The following SLC10A7 variants were observed in gnomAD, a reference collection of about 807,000 sequenced individuals.
SLC10A7 encodes the protein sodium/bile acid cotransporter 7.
A neutral mutation model predicts 43.2 loss-of-function variants in SLC10A7; 29 were observed. That is an observed-to-expected ratio of 0.67 (90% CI 0.50 to 0.92). The LOEUF is 0.92. Among genes scored for constraint, SLC10A7 ranks in the 40% least tolerant of loss-of-function variants. The pLI, the probability that SLC10A7 is intolerant of heterozygous loss-of-function variation, is 0.00. For synonymous variants in SLC10A7, 152 were observed against 144.8 expected (o/e 1.05, Z -0.35); for missense variants, 295 against 403.2 (o/e 0.73, Z 2.30).
intron 9 of SLC10A7, 123 bp downstream of exon 9, chr4:146,292,806 G>T: frequency 1.6e-6 from 1 of 633,450 alleles, no homozygotes; most frequent in Non-Finnish European, 2.7e-6. Flanking sequence ...TGGTCAGGGA[G>T]ACAGGAGAAA....
At chr4:146,316,357 T>C (rs1276104709) in intron 6 of SLC10A7, among the ~76,000 whole-genome samples, 1 of 150,112 alleles carries the variant, frequency 6.7e-6, no homozygotes, top group African/African-American at 2.5e-5. Context: ...GGTGCTGGTA[T>C]TGGGAGACAG....
chr4:146,382,737 C>T (rs1223150346), intron 5 of SLC10A7, among the ~76,000 whole-genome samples: 1 of 152,092 alleles, frequency 6.6e-6, no homozygotes. Flanking sequence ...ATTAAAAGTA[C>T]TCCAAATGTG....
chr4:146,395,413 C>T (rs939513633), intron 5 of SLC10A7, among the ~76,000 whole-genome samples: 9 of 152,032 alleles, frequency 5.9e-5, no homozygotes, highest in African/African-American at 1.9e-4. Context: ...AAATAAAACC[C>T]CCACACAGTT....
rs182172131 is a variant in SLC10A7 at position 146,472,851 on chromosome 4, A to T, written c.397-30030T>A. ...TTTCTGCATCGTTTCCAGAGGATTGACTTATTGCCTTTTAACTTTTTAAAG... is the reference window on the plus strand; with the variant it reads ...TTTCTGCATCGTTTCCAGAGGATTGTCTTATTGCCTTTTAACTTTTTAAAG... On this transcript the variant is annotated intron_variant, in intron 4 of 11. Coordinates refer to ENST00000335472, the MANE Select transcript of SLC10A7 (RefSeq NM_001029998.6). Among the ~76,000 whole-genome samples the T allele has an allele frequency of 2.0e-5, 3 of 152,314 alleles. No individual in the cohort carries two copies. In the East Asian group the frequency reaches 5.8e-4, roughly 29 times the overall value.
intron 4 of SLC10A7, among the ~76,000 whole-genome samples, chr4:146,476,042 T>C (rs1356040579): frequency 1.3e-5 from 2 of 152,150 alleles, no homozygotes; most frequent in Admixed American, 1.3e-4. Flanking sequence ...ATCAGAACGC[T>C]TCCTGAAAAG....
At chr4:146,401,220 A>G (rs1739202884) in intron 5 of SLC10A7, among the ~76,000 whole-genome samples, 1 of 152,104 alleles carries the variant, frequency 6.6e-6, no homozygotes, top group African/African-American at 2.4e-5. Flanking sequence ...CTCTATTCTA[A>G]TCTCCTGATT....
intron 5 of SLC10A7, among the ~76,000 whole-genome samples, chr4:146,430,830 A>T (rs1462883659): frequency 6.6e-6 from 1 of 152,156 alleles, no homozygotes. Context: ...CTAATTTCCA[A>T]AATACCAAGT....
intron 10 of SLC10A7, among the ~76,000 whole-genome samples, chr4:146,278,454 T>C (rs1053206220): frequency 6.6e-6 from 1 of 152,152 alleles, no homozygotes; most frequent in South Asian, 2.1e-4. Flanking sequence ...GCCGAAGTTG[T>C]AGGTAATTCT....
intron 5 of SLC10A7, among the ~76,000 whole-genome samples, chr4:146,332,675 T>G (rs1347379468): frequency 6.6e-6 from 1 of 152,140 alleles, no homozygotes; most frequent in Non-Finnish European, 1.5e-5. Context: ...ATAAGCCAAT[T>G]AAGCCTCTTT....
intron 5 of SLC10A7, among the ~76,000 whole-genome samples, chr4:146,328,695 C>A (rs1733327382): frequency 6.6e-6 from 1 of 152,194 alleles, no homozygotes. Context: ...CCACTAACAA[C>A]CACAACAGAC....
chr4:146,282,309 G>A (rs771299072), intron 10 of SLC10A7, among the ~76,000 whole-genome samples: 20 of 152,114 alleles, frequency 1.3e-4, no homozygotes, highest in Admixed American at 5.9e-4. Flanking sequence ...AAATATGTTT[G>A]GGATTAATAA....
At chr4:146,266,571 T>C (rs995527569) in intron 10 of SLC10A7, among the ~76,000 whole-genome samples, 1 of 152,208 alleles carries the variant, frequency 6.6e-6, no homozygotes, top group African/African-American at 2.4e-5. Context: ...TTTTAGAGTA[T>C]GAAATGATGC....
At chr4:146,431,497 A>G (rs1729773957) in intron 5 of SLC10A7, among the ~76,000 whole-genome samples, 1 of 152,188 alleles carries the variant, frequency 6.6e-6, no homozygotes, top group African/African-American at 2.4e-5. Flanking sequence ...ACATTGTGAT[A>G]GGAAAAAGCT....
At chr4:146,257,299 C>T (rs977564710) in intron 11 of SLC10A7, among the ~76,000 whole-genome samples, 6 of 152,210 alleles carry the variant, frequency 3.9e-5, no homozygotes, top group Admixed American at 3.3e-4. Context: ...GGAGTGGTAC[C>T]CAGCATAGAA....
intron 5 of SLC10A7, among the ~76,000 whole-genome samples, chr4:146,356,576 C>CAG (rs58251185): frequency 0.011 from 1,650 of 151,210 alleles, 23 homozygotes; most frequent in African/African-American, 0.037. Context: ...AACAGACAGA[C>CAG]ACACACACAC....
intron 6 of SLC10A7, among the ~76,000 whole-genome samples, chr4:146,313,124 A>G (rs1252883072): frequency 6.6e-6 from 1 of 152,194 alleles, no homozygotes; most frequent in Non-Finnish European, 1.5e-5. Flanking sequence ...GCAAGGGAGT[A>G]GCAAGGAACC....
rs868761889 is a variant in SLC10A7, at chr4:146,326,947, C to T, written c.436-951G>A. Among the ~76,000 whole-genome samples the T allele has an allele frequency of 6.3e-3, 610 of 96,742 alleles. 7 individuals carry two copies. The highest frequency in any genetic ancestry group is 0.027 in the African/African-American group (546 of 20,194). 63.5% of individuals were successfully genotyped at this position (96,742 alleles called of 152,430 possible). A position where few individuals can be genotyped will look rare whatever the true frequency, so the allele number is the denominator to read the frequency against. The stretch of plus-strand genomic sequence containing the variant: ...ACACACACACACACACACACACACA[C>T]ACACACACACACACACACACAGAAA... On this transcript the variant is annotated intron_variant, in intron 5 of 11. Coordinates refer to ENST00000335472, the MANE Select transcript of SLC10A7 (RefSeq NM_001029998.6).
chr4:146,515,273 A>T, intron 2 of SLC10A7: 1 of 661,016 alleles, frequency 1.5e-6, no homozygotes, highest in East Asian at 2.7e-5. Context: ...TTGGGTTAGA[A>T]AGCAGTTCCA....
chr4:146,258,325 G>C (rs1324583302), intron 11 of SLC10A7, among the ~76,000 whole-genome samples: 1 of 152,222 alleles, frequency 6.6e-6, no homozygotes, highest in East Asian at 1.9e-4. Context: ...GGCATGTGAA[G>C]TAAGACATAG....
Sources: allele counts gnomAD v4.1 joint callset (sites outside exome capture counted in the v4.1 genomes callset), GRCh38; gene constraint gnomAD v4.1.1; transcripts MANE v1.5; gene names NCBI Gene and HGNC (gene_info 2026-07-23, HGNC 2026-07-21).